Variants in GFPT1 observed in about 807,000 individuals in gnomAD.
GFPT1 encodes glutamine--fructose-6-phosphate aminotransferase [isomerizing] 1.
Under a neutral mutation model 92.0 loss-of-function variants are expected in GFPT1, and 40 were observed. The observed-to-expected ratio is 0.43, with a 90% CI of 0.34 to 0.57. The LOEUF is 0.57. Among genes scored for constraint, GFPT1 ranks in the 20% least tolerant of loss-of-function variants. The pLI, the probability that GFPT1 is intolerant of heterozygous loss-of-function variation, is 0.02. For synonymous variants in GFPT1, 269 were observed against 280.6 expected (o/e 0.96, Z 0.41); for missense variants, 448 against 869.1 (o/e 0.52, Z 6.09).
intron 11 of GFPT1, among the ~76,000 whole-genome samples, chr2:69,347,256 G>A (rs1011043997): frequency 6.7e-6 from 1 of 150,052 alleles, no homozygotes; most frequent in Non-Finnish European, 1.5e-5. Flanking sequence ...TCACTATGTT[G>A]CCCAGGCTGG....
At chr2:69,362,915 A>C (rs542400022) in intron 4 of GFPT1, among the ~76,000 whole-genome samples, 4 of 152,246 alleles carry the variant, frequency 2.6e-5, no homozygotes, top group African/African-American at 7.2e-5. Context: ...TTGATTATAC[A>C]TTTCTAGAGA....
Position 69,319,813 on chromosome 2 carries a change from AAATT to A in GFPT1, c.*6372_*6375del, listed in dbSNP as rs1348880340. On this transcript the variant is annotated 3_prime_UTR_variant, in exon 20 of 20. Coordinates refer to ENST00000357308, the MANE Select transcript of GFPT1 (RefSeq NM_001244710.2). ...ACATTTTATTCAAAGGATAAATACAAAATTAAGAAAGAGTTCAAATTCAAAGTAA... is the reference window on the plus strand; with the variant it reads ...ACATTTTATTCAAAGGATAAATACAAAAGAAAGAGTTCAAATTCAAAGTAA... The A allele has an allele frequency of 3.3e-5, 5 of 152,256 alleles. 1 individual carries two copies. The highest frequency in any genetic ancestry group is 5.9e-5 in the Non-Finnish European group (4 of 68,048). The allele number at this position is 152,256 out of a possible 1,614,324, so 9.4% of individuals were successfully genotyped here.
chr2:69,339,985 T>C (rs142050186), intron 13 of GFPT1, among the ~76,000 whole-genome samples: 29 of 152,082 alleles, frequency 1.9e-4, no homozygotes, highest in East Asian at 1.2e-3. Flanking sequence ...AAATGTTACA[T>C]TGGAATCATA....
intron 14 of GFPT1, 68 bp downstream of exon 14, chr2:69,338,377 G>T: frequency 7.4e-7 from 1 of 1,354,788 alleles, no homozygotes; most frequent in South Asian, 1.2e-5. Context: ...ATCAGCTTTT[G>T]CCAAGATATG....
In GFPT1 at chr2:69,384,619, C is replaced by T. The variant is rs142096172; in HGVS notation, c.7+2446G>A. Among the ~76,000 whole-genome samples, 370 of 146,342 alleles carry T rather than the reference C, an allele frequency of 2.5e-3. 3 individuals carry two copies. Among genetic ancestry groups the T allele is most frequent in the Middle Eastern group, 0.014 (4 of 282 alleles). On this transcript the variant is annotated intron_variant, in intron 1 of 19. Transcript: ENST00000357308. ...CCCAGCTACTCGGGAGGTTGAACCC[C>T]GGAGACAGAGGCTGCAGTGAGCCAA...
chr2:69,383,215 A>G (rs1157191539), intron 1 of GFPT1, among the ~76,000 whole-genome samples: 1 of 152,228 alleles, frequency 6.6e-6, no homozygotes, highest in Non-Finnish European at 1.5e-5. Flanking sequence ...AGTTAGGTAT[A>G]TATTTAGAAC....
At position 69,329,432 on chromosome 2, in the gene GFPT1, G is replaced by A. The variant is rs772627608; in HGVS notation, c.1598-8C>T. On this transcript the variant is annotated splice_region_variant and splice_polypyrimidine_tract_variant and intron_variant, in intron 16 of 19. Transcript: ENST00000357308. ...GTACTTCCTTAATCAAATCTAAGAA[G>A]TAATATTAGCAAAAAAGGACAATAA... The A allele has an allele frequency of 1.3e-6, 2 of 1,594,186 alleles. No homozygotes were observed. The highest frequency in any genetic ancestry group is 3.3e-5 in the Admixed American group (2 of 59,834).
rs770688843 is a variant in GFPT1 at position 69,333,808 on chromosome 2, C to G, written c.1483-4010G>C. ...TCAGGCAAAGTTGAGAATTTACAGG[C>G]AAGATCACAGAATTCTTCTATGTGC... On this transcript the variant is annotated intron_variant, in intron 15 of 19. Coordinates refer to ENST00000357308, the MANE Select transcript of GFPT1 (RefSeq NM_001244710.2). 2.6e-4 allele frequency among the ~76,000 whole-genome samples: 39 copies of G among 152,288 alleles called. No individual in the cohort carries two copies. The South Asian group carries it at 3.3e-3, about 13-fold the overall frequency.
intron 17 of GFPT1, among the ~76,000 whole-genome samples, chr2:69,328,700 C>CTT (rs780340372): frequency 4.4e-4 from 44 of 99,948 alleles, no homozygotes; most frequent in African/African-American, 1.0e-3. Context: ...TCTGGTTAAC[C>CTT]CTTTTTTTTT....
At chr2:69,334,120 C>T (rs1408148215) in intron 15 of GFPT1, among the ~76,000 whole-genome samples, 2 of 152,128 alleles carry the variant, frequency 1.3e-5, no homozygotes, top group Non-Finnish European at 1.5e-5. Context: ...CACACCACTG[C>T]ACTCCAGCCT....
At chr2:69,339,906 G>A (rs922692844) in intron 13 of GFPT1, among the ~76,000 whole-genome samples, 5 of 151,532 alleles carry the variant, frequency 3.3e-5, no homozygotes, top group East Asian at 3.9e-4. Flanking sequence ...TTAAGTTACC[G>A]ACACTAAAAT....
chr2:69,347,897 T>C (rs1055448872), intron 11 of GFPT1, among the ~76,000 whole-genome samples: 1 of 152,240 alleles, frequency 6.6e-6, no homozygotes, highest in African/African-American at 2.4e-5. Context: ...GAACATTAAC[T>C]ATTTTTATGT....
At chr2:69,359,495 C>T (rs1362663128) in intron 4 of GFPT1, among the ~76,000 whole-genome samples, 169 bp from the exon 5 acceptor site, 1 of 152,110 alleles carries the variant, frequency 6.6e-6, no homozygotes, top group Non-Finnish European at 1.5e-5. Flanking sequence ...AGATTATCAT[C>T]AGGTAGATCA....
chr2:69,372,910 G>A (rs937483838), intron 2 of GFPT1, among the ~76,000 whole-genome samples: 9 of 152,206 alleles, frequency 5.9e-5, no homozygotes, highest in Admixed American at 3.9e-4. Flanking sequence ...TTTTTGGAAG[G>A]ATTCCTACCA....
At chr2:69,344,624 T>C (rs1318511209) in intron 12 of GFPT1, among the ~76,000 whole-genome samples, 2 of 152,136 alleles carry the variant, frequency 1.3e-5, no homozygotes, top group Non-Finnish European at 2.9e-5. Context: ...AGAACTTTTA[T>C]GTACATAATA....
In GFPT1 at chr2:69,384,702, A is replaced by AG. The variant is rs1349809406; in HGVS notation, c.7+2362_7+2363insC. Among the ~76,000 whole-genome samples, 383 of 139,850 alleles carry AG rather than the reference A, an allele frequency of 2.7e-3. 7 individuals carry two copies. The highest frequency in any genetic ancestry group is 0.01 in the African/African-American group (366 of 35,796). 91.7% of individuals were successfully genotyped at this position (139,850 alleles called of 152,430 possible). A position where few individuals can be genotyped will look rare whatever the true frequency, so the allele number is the denominator to read the frequency against. ...GAGAGAGGCCCCGTCACAAAAAAAAAAAAAAAAAAAGAAAAAAGAAAGAAA... is the reference window on the plus strand; with the variant it reads ...GAGAGAGGCCCCGTCACAAAAAAAAAGAAAAAAAAAAGAAAAAAGAAAGAAA... On this transcript the variant is annotated intron_variant, in intron 1 of 19. Coordinates refer to ENST00000357308, the MANE Select transcript of GFPT1 (RefSeq NM_001244710.2).
At chr2:69,327,153 T>C in intron 18 of GFPT1, 78 bp from the exon 19 acceptor site, 2 of 1,232,738 alleles carry the variant, frequency 1.6e-6, no homozygotes, top group Non-Finnish European at 2.4e-6. Context: ...TGTGCAAAAA[T>C]TGCACTGCAT....
chr2:69,330,249 A>G (rs2104601774), intron 15 of GFPT1, among the ~76,000 whole-genome samples: 1 of 152,290 alleles, frequency 6.6e-6, no homozygotes, highest in East Asian at 1.9e-4. Flanking sequence ...CTGAACCAGT[A>G]CTTGGGAAAT....
In GFPT1 at chr2:69,341,776, C is replaced by G. The variant is rs551938002; in HGVS notation, c.1203+376G>C. Among the ~76,000 whole-genome samples the G allele has an allele frequency of 2.6e-5, 4 of 152,230 alleles. No individual in the cohort carries two copies. The South Asian group carries it at 8.3e-4, about 32-fold the overall frequency. On this transcript the variant is annotated intron_variant, in intron 13 of 19. Transcript: ENST00000357308. ...CACAAAGTAAAATTGCACTGAGGTT[C>G]ACACATGATGCAGGCCATCTGTCTA...
Sources: gnomAD v4.1 joint callset for allele counts (sites outside exome capture counted in the v4.1 genomes callset) on GRCh38, gnomAD v4.1.1 for gene constraint, MANE v1.5 for transcripts, NCBI Gene and HGNC (gene_info 2026-07-23, HGNC 2026-07-21) for gene names.